Variants in CTNNA3 observed in about 807,000 individuals in gnomAD.
CTNNA3 encodes the protein catenin alpha-3.
Under a neutral mutation model 95.7 loss-of-function variants are expected in CTNNA3, and 76 were observed. The observed-to-expected ratio is 0.79, with a 90% CI of 0.66 to 0.96. The LOEUF is 0.96. Among genes scored for constraint, CTNNA3 ranks in the 40% least tolerant of loss-of-function variants. The pLI is 0.00. For synonymous variants in CTNNA3, 431 were observed against 374.4 expected (o/e 1.15, Z -1.74); for missense variants, 1,191 against 1,089.8 (o/e 1.09, Z -1.31).
chr10:67,687,106 C>T (rs553349207), intron 1 of CTNNA3, among the ~76,000 whole-genome samples: 2 of 152,252 alleles, frequency 1.3e-5, no homozygotes, highest in African/African-American at 2.4e-5. Context: ...CAGATGGTAA[C>T]GGACCTTGAG....
At chr10:66,850,529 A>G (rs1843447924) in intron 7 of CTNNA3, among the ~76,000 whole-genome samples, 2 of 152,138 alleles carry the variant, frequency 1.3e-5, no homozygotes, top group Admixed American at 6.5e-5. Flanking sequence ...TTGTTAACCA[A>G]TGCATAGTGT....
chr10:67,606,154 A>G (rs1301112702), intron 3 of CTNNA3, among the ~76,000 whole-genome samples: 1 of 152,212 alleles, frequency 6.6e-6, no homozygotes, highest in Non-Finnish European at 1.5e-5. Context: ...AAGAAAATTT[A>G]ACTTTCCTTT....
intron 7 of CTNNA3, among the ~76,000 whole-genome samples, chr10:66,921,699 G>A (rs894389475): frequency 1.3e-5 from 2 of 152,004 alleles, no homozygotes; most frequent in African/African-American, 4.8e-5. Flanking sequence ...TTAAAACTCA[G>A]CCCACCTCAT....
intron 13 of CTNNA3, among the ~76,000 whole-genome samples, chr10:66,210,609 T>C (rs1015554415): frequency 6.6e-6 from 1 of 152,158 alleles, no homozygotes; most frequent in African/African-American, 2.4e-5. Flanking sequence ...AGGTACACTC[T>C]TACTTTTACA....
chr10:67,365,383 AT>A (rs1447566220), intron 5 of CTNNA3, among the ~76,000 whole-genome samples: 1 of 152,234 alleles, frequency 6.6e-6, no homozygotes, highest in African/African-American at 2.4e-5. Context: ...ATGGGATCTA[AT>A]TAAACTAAAG....
chr10:66,118,546 C>G (rs1298733982), intron 13 of CTNNA3, among the ~76,000 whole-genome samples: 1 of 152,150 alleles, frequency 6.6e-6, no homozygotes, highest in Non-Finnish European at 1.5e-5. Context: ...ATCTTTTCTT[C>G]CCTTCTAACC....
At chr10:67,301,471 A>G (rs1344618286) in intron 5 of CTNNA3, among the ~76,000 whole-genome samples, 1 of 152,226 alleles carries the variant, frequency 6.6e-6, no homozygotes, top group African/African-American at 2.4e-5. Context: ...AAATAGAGCT[A>G]TCATATCATC....
intron 5 of CTNNA3, 137 bp from the exon 6 acceptor site, chr10:67,220,007 G>T: frequency 1.5e-6 from 1 of 651,348 alleles, no homozygotes; most frequent in Non-Finnish European, 2.5e-6. Context: ...TATAATCAAG[G>T]GCATCTATTA....
chr10:67,553,803 A>T (rs1050404025), intron 3 of CTNNA3, among the ~76,000 whole-genome samples: 13 of 151,836 alleles, frequency 8.6e-5, no homozygotes, highest in Non-Finnish European at 1.6e-4. Context: ...GTACATGTGC[A>T]TAATGTGCAG....
chr10:67,250,591 G>A (rs1866070951), intron 5 of CTNNA3, among the ~76,000 whole-genome samples: 2 of 152,064 alleles, frequency 1.3e-5, no homozygotes, highest in Admixed American at 6.5e-5. Flanking sequence ...ATACCTGAGG[G>A]TCCTGGAACT....
intron 7 of CTNNA3, among the ~76,000 whole-genome samples, chr10:67,066,454 G>A (rs1371236422): frequency 6.6e-6 from 1 of 150,472 alleles, no homozygotes; most frequent in Non-Finnish European, 1.5e-5. Context: ...GCCTCCCAAA[G>A]TGCTAGAATT....
rs761449098 is a variant in CTNNA3 at position 65,920,401 on chromosome 10, G to A, written c.2617C>T (p.Arg873Ter). The A allele has an allele frequency of 2.0e-5, 32 of 1,613,990 alleles. No individual in the cohort carries two copies. Among genetic ancestry groups the A allele is most frequent in the Non-Finnish European group, 2.5e-5 (30 of 1,179,976 alleles). Reference sequence around the variant, plus strand: ...TGGATTTTTTTCTTTGCTGAGCCTCGTCTGACAGCTGCACACGTTTCCTCT... The same window carrying A: ...TGGATTTTTTTCTTTGCTGAGCCTCATCTGACAGCTGCACACGTTTCCTCT... The part of the protein sequence containing the change: ...KPEETCAAVR[R>*]GSAKKKIHPL... The change falls in exon 18 of 18, where the codon CGA becomes TGA. Residue 873 changes from arginine to a stop codon, truncating the protein, a stop_gained. Transcript: ENST00000433211. LOFTEE classifies it high-confidence loss of function.
chr10:66,129,376 A>G (rs2082980204), intron 13 of CTNNA3, among the ~76,000 whole-genome samples: 1 of 152,188 alleles, frequency 6.6e-6, no homozygotes, highest in Non-Finnish European at 1.5e-5. Flanking sequence ...CCACCATGGC[A>G]TTGGAGTTGC....
In CTNNA3 at chr10:66,685,279, ATATAAG is replaced by A. The variant is rs1382409529; in HGVS notation, c.1282-63501_1282-63496del. Among the ~76,000 whole-genome samples, 6 of 52,906 alleles carry A rather than the reference ATATAAG, an allele frequency of 1.1e-4. 1 individual carries two copies. Among genetic ancestry groups the A allele is most frequent in the East Asian group, 3.7e-4 (1 of 2,734 alleles). The allele number at this position is 52,906 out of a possible 152,430, so 34.7% of individuals were successfully genotyped here. ...TATATATGTGTGTATATATACGTAT[ATATAAG>A]TATATATATGTGTGTATATATATGT... is the stretch of plus-strand genomic sequence containing the variant. On this transcript the variant is annotated intron_variant, in intron 9 of 17. Coordinates refer to ENST00000433211, the MANE Select transcript of CTNNA3 (RefSeq NM_013266.4).
chr10:67,448,082 CT>C (rs1187187282), intron 5 of CTNNA3, among the ~76,000 whole-genome samples: 1 of 152,178 alleles, frequency 6.6e-6, no homozygotes, highest in African/African-American at 2.4e-5. Context: ...CTTGTCACCC[CT>C]GCTTTCAAAA....
intron 9 of CTNNA3, among the ~76,000 whole-genome samples, chr10:66,634,414 T>C (rs984666049): frequency 1.3e-5 from 2 of 152,122 alleles, no homozygotes; most frequent in African/African-American, 4.8e-5. Flanking sequence ...GAATTCACAG[T>C]AGGGAAACAA....
At chr10:66,237,754 AT>A (rs2089926245) in intron 13 of CTNNA3, among the ~76,000 whole-genome samples, 1 of 152,108 alleles carries the variant, frequency 6.6e-6, no homozygotes, top group African/African-American at 2.4e-5. Flanking sequence ...AATTTACAAA[AT>A]TGCACAGCAC....
At chr10:66,953,363 C>T (rs536054488) in intron 7 of CTNNA3, among the ~76,000 whole-genome samples, 11 of 152,206 alleles carry the variant, frequency 7.2e-5, no homozygotes, top group East Asian at 1.9e-4. Context: ...TGCTCACTGC[C>T]GGTTGTCTGA....
At chr10:67,082,337 G>A (rs906900381) in intron 7 of CTNNA3, among the ~76,000 whole-genome samples, 2 of 152,028 alleles carry the variant, frequency 1.3e-5, no homozygotes, top group African/African-American at 4.8e-5. Context: ...TAGATTTATT[G>A]CCTTGGTGAT....
Sources: allele counts gnomAD v4.1 joint callset (sites outside exome capture counted in the v4.1 genomes callset), GRCh38; gene constraint gnomAD v4.1.1; transcripts MANE v1.5; gene names NCBI Gene and HGNC (gene_info 2026-07-23, HGNC 2026-07-21).